DOK6: variants seen among roughly 807,000 people sequenced by gnomAD.
DOK6 encodes docking protein 6, also known as downstream of tyrosine kinase 6.
A neutral mutation model predicts 44.0 loss-of-function variants in DOK6; 22 were observed. The observed-to-expected ratio is 0.50, with a 90% CI of 0.36 to 0.71. The LOEUF (loss-of-function observed/expected upper bound fraction) is 0.71. DOK6 is among the 30% of genes least tolerant of loss of function. The pLI, the probability that DOK6 is intolerant of heterozygous loss-of-function variation, is 0.00. For synonymous variants in DOK6, 166 were observed against 145.5 expected (o/e 1.14, Z -1.01); for missense variants, 340 against 416.4 (o/e 0.82, Z 1.60).
rs368910582 is a variant in DOK6, at chr18:69,840,812, A to G, written c.857-432A>G. ...CTTGCCTGTTCCCAGAGATTTTAAG[A>G]AAGTGTGTAATTTGCTTTTATATGC... On this transcript the variant is annotated intron_variant, in intron 7 of 7. Transcript: ENST00000382713. Among the ~76,000 whole-genome samples the G allele has an allele frequency of 7.2e-5, 11 of 152,342 alleles. No homozygotes were observed. The East Asian group carries it at 1.2e-3, about 16-fold the overall frequency.
intron 6 of DOK6, among the ~76,000 whole-genome samples, chr18:69,744,667 G>A (rs187093061): frequency 3.9e-5 from 6 of 152,210 alleles, no homozygotes; most frequent in Middle Eastern, 3.4e-3. Context: ...GCTCACGCCT[G>A]TAACCCCTGC....
chr18:69,527,712 AG>A (rs1981870022), intron 1 of DOK6, among the ~76,000 whole-genome samples: 1 of 152,234 alleles, frequency 6.6e-6, no homozygotes, highest in African/African-American at 2.4e-5. Context: ...TTGTACAAAA[AG>A]GAAGCCTACT....
chr18:69,833,047 G>A (rs1411555285), intron 7 of DOK6, among the ~76,000 whole-genome samples: 2 of 152,086 alleles, frequency 1.3e-5, no homozygotes, highest in African/African-American at 4.8e-5. Context: ...ATTCTTCACA[G>A]AAGTAGAAAA....
chr18:69,798,056 T>C (rs748776215), intron 7 of DOK6, among the ~76,000 whole-genome samples: 11 of 152,094 alleles, frequency 7.2e-5, no homozygotes, highest in Non-Finnish European at 1.2e-4. Context: ...GCAGCAAAAG[T>C]GTGCAACAGC....
intron 7 of DOK6, among the ~76,000 whole-genome samples, chr18:69,803,841 G>C (rs2145108713): frequency 6.6e-6 from 1 of 152,236 alleles, no homozygotes; most frequent in South Asian, 2.1e-4. Context: ...CCTGGGCACA[G>C]AGCAAGGCTC....
At chr18:69,586,375 C>T (rs1226047984) in intron 2 of DOK6, among the ~76,000 whole-genome samples, 1 of 152,210 alleles carries the variant, frequency 6.6e-6, no homozygotes, top group Non-Finnish European at 1.5e-5. Flanking sequence ...TGGCTGTCTT[C>T]TCCAGGGTCA....
intron 3 of DOK6, among the ~76,000 whole-genome samples, chr18:69,628,777 G>T (rs1984618700): frequency 6.6e-6 from 1 of 152,152 alleles, no homozygotes; most frequent in Non-Finnish European, 1.5e-5. Flanking sequence ...TGTTACATTT[G>T]TTGGCTTGGG....
intron 4 of DOK6, among the ~76,000 whole-genome samples, chr18:69,695,907 G>A (rs1334834139): frequency 1.3e-5 from 2 of 152,020 alleles, no homozygotes; most frequent in Non-Finnish European, 2.9e-5. Flanking sequence ...GGGTAAAAAA[G>A]TATGTGAGGA....
chr18:69,429,616 GATACATATATATATAT>G (rs1225821172), intron 1 of DOK6, among the ~76,000 whole-genome samples: 103 of 78,146 alleles, frequency 1.3e-3, no homozygotes, highest in Admixed American at 6.4e-3. Flanking sequence ...AATATTGAGG[GATACATATATATATAT>G]ATATATATAT....
rs1331787620 is a variant in DOK6, at chr18:69,549,917, C to A, written c.67-14570C>A. On this transcript the variant is annotated intron_variant, in intron 1 of 7. Coordinates refer to ENST00000382713, the MANE Select transcript of DOK6 (RefSeq NM_152721.6). ...TAGGATAGGAAATTAATGCTAATAG[C>A]TACTATTTCTTAGATAAAGATATAT... is the stretch of plus-strand genomic sequence containing the variant. Among the ~76,000 whole-genome samples, 3 of 147,734 alleles carry A rather than the reference C, an allele frequency of 2.0e-5. 1 individual carries two copies. The highest frequency in any genetic ancestry group is 3.9e-4 in the East Asian group (2 of 5,084).
chr18:69,539,468 T>C (rs1449185602), intron 1 of DOK6, among the ~76,000 whole-genome samples: 2 of 19,400 alleles, frequency 1.0e-4, no homozygotes, highest in African/African-American at 1.4e-4. Flanking sequence ...CAAAAACAGC[T>C]TTTTTTTTTT....
intron 1 of DOK6, among the ~76,000 whole-genome samples, chr18:69,429,255 A>G (rs373740637): frequency 6.6e-6 from 1 of 152,108 alleles, no homozygotes; most frequent in Non-Finnish European, 1.5e-5. Flanking sequence ...TTTTAGTAGC[A>G]TGGACATATT....
chr18:69,784,244 G>A (rs1048508510), intron 7 of DOK6, among the ~76,000 whole-genome samples: 5 of 151,840 alleles, frequency 3.3e-5, no homozygotes, highest in Non-Finnish European at 5.9e-5. Context: ...CCATCATAAC[G>A]GATTACAAGT....
intron 1 of DOK6, among the ~76,000 whole-genome samples, chr18:69,435,574 A>C (rs1978953655): frequency 6.6e-6 from 1 of 152,212 alleles, no homozygotes; most frequent in South Asian, 2.1e-4. Context: ...AATTATGTGG[A>C]TCTTGAAGTA....
intron 1 of DOK6, among the ~76,000 whole-genome samples, chr18:69,411,121 AGAAAGTGACCATCAAGCT>A (rs1978304176): frequency 6.6e-6 from 1 of 152,166 alleles, no homozygotes; most frequent in Admixed American, 6.6e-5. Context: ...TGGTTTTTAG[AGAAAGTGACCATCAAGCT>A]GACAAGTCGT....
Position 69,442,785 on chromosome 18 carries a change from T to C in DOK6, c.66+41475T>C, listed in dbSNP as rs563869696. 5.4e-5 allele frequency among the ~76,000 whole-genome samples: 8 copies of C among 149,194 alleles called. No homozygotes were observed. In the South Asian group the frequency reaches 1.7e-3, roughly 31 times the overall value. ...TATTGTCTTATACTATACTTATATA[T>C]GTTGCTTATTGTCTTGAGGACACTT... is the stretch of plus-strand genomic sequence containing the variant. On this transcript the variant is annotated intron_variant, in intron 1 of 7. Transcript: ENST00000382713.
chr18:69,622,030 A>G (rs1374619974), intron 3 of DOK6, among the ~76,000 whole-genome samples: 1 of 152,212 alleles, frequency 6.6e-6, no homozygotes, highest in Non-Finnish European at 1.5e-5. Flanking sequence ...ATAGTAACAG[A>G]TTTTATGTTA....
intron 7 of DOK6, among the ~76,000 whole-genome samples, chr18:69,790,718 A>G (rs1005649349): frequency 6.6e-6 from 1 of 152,118 alleles, no homozygotes; most frequent in Non-Finnish European, 1.5e-5. Context: ...ATGGGCATAC[A>G]ATGCATAACA....
intron 7 of DOK6, among the ~76,000 whole-genome samples, chr18:69,774,979 A>C (rs2144769612): frequency 6.6e-6 from 1 of 152,058 alleles, no homozygotes; most frequent in African/African-American, 2.4e-5. Context: ...AAGACAGATA[A>C]CCCACAAAAG....
Sources: gnomAD v4.1 joint callset for allele counts (sites outside exome capture counted in the v4.1 genomes callset) on GRCh38, gnomAD v4.1.1 for gene constraint, MANE v1.5 for transcripts, NCBI Gene and HGNC (gene_info 2026-07-23, HGNC 2026-07-21) for gene names.